The following CRACD variants were observed in gnomAD, a reference collection of about 807,000 sequenced individuals.
CRACD encodes the protein capping protein-inhibiting regulator of actin dynamics.
Under a neutral mutation model 106.8 loss-of-function variants are expected in CRACD, and 56 were observed. The ratio of observed to expected loss-of-function variants is 0.52; its 90% confidence interval spans 0.42 to 0.66. CRACD has a LOEUF of 0.66. Ranked by LOEUF, CRACD falls within the 30% of genes least tolerant of loss-of-function variation. The pLI, the probability that CRACD is intolerant of heterozygous loss-of-function variation, is 0.00. For synonymous variants in CRACD, 754 were observed against 670.8 expected (o/e 1.12, Z -1.92); for missense variants, 1,730 against 1,623.2 (o/e 1.07, Z -1.13).
chr4:56,280,100 A>G (rs566578389), intron 3 of CRACD, among the ~76,000 whole-genome samples: 574 of 141,486 alleles, frequency 4.1e-3, no homozygotes, highest in Non-Finnish European at 6.3e-3. Flanking sequence ...CAGTGAGAAC[A>G]CATGGACACA....
intron 1 of CRACD, among the ~76,000 whole-genome samples, chr4:56,124,538 T>C (rs905662047): frequency 2.0e-5 from 3 of 152,226 alleles, no homozygotes; most frequent in Non-Finnish European, 4.4e-5. Context: ...ATCTAGTCAG[T>C]GTTCAGATTT....
chr4:56,232,531 T>C (rs550207564), intron 2 of CRACD, among the ~76,000 whole-genome samples: 13 of 152,154 alleles, frequency 8.5e-5, no homozygotes, highest in Non-Finnish European at 1.8e-4. Context: ...CTAAGGTAGA[T>C]GTATGCTTAA....
Position 56,316,440 on chromosome 4 carries a change from C to G in CRACD, c.2938C>G (p.Leu980Val). The change falls in exon 8 of 11, where the codon CTG (leucine) becomes GTG (valine). Residue 980 changes from leucine to valine, a missense_variant. Leu to Val is a conservative substitution (Grantham distance 32). Around this residue, in one of 5 missense-constraint regions of CRACD, gnomAD observed 1,620 missense variants for 1,481.6 expected, o/e 1.09. Coordinates refer to ENST00000682029, the MANE Select transcript of CRACD (RefSeq NM_001393381.1). Reference protein sequence around the residue: ...QTPPASPLSKLSRPYLVELLS... With the variant: ...QTPPASPLSKVSRPYLVELLS... ...CCCACCAGCATCCCCACTTTCCAAA[C>G]TGAGCAGGCCCTACTTGGTAGAGCT... The G allele has an allele frequency of 6.2e-7, 1 of 1,614,152 alleles. No individual in the cohort carries two copies. Among genetic ancestry groups the G allele is most frequent in the Non-Finnish European group, 8.5e-7 (1 of 1,179,970 alleles).
chr4:56,136,221 A>T (rs960617431), intron 1 of CRACD, among the ~76,000 whole-genome samples: 12 of 152,228 alleles, frequency 7.9e-5, no homozygotes, highest in African/African-American at 2.9e-4. Flanking sequence ...TGCCATAAAC[A>T]TTCATGTACA....
intron 5 of CRACD, chr4:56,309,038 GTA>G: frequency 4.0e-6 from 2 of 506,304 alleles, no homozygotes; most frequent in Non-Finnish European, 7.3e-6. Flanking sequence ...AAGTCAACCA[GTA>G]TATAAATAGA....
intron 1 of CRACD, among the ~76,000 whole-genome samples, chr4:56,127,693 A>C (rs1393929502): frequency 6.6e-6 from 1 of 152,200 alleles, no homozygotes; most frequent in Non-Finnish European, 1.5e-5. Context: ...CTCATGAGAT[A>C]GATGTCTGGG....
intron 10 of CRACD, among the ~76,000 whole-genome samples, chr4:56,325,502 C>T (rs925269654): frequency 1.1e-4 from 16 of 152,146 alleles, no homozygotes; most frequent in African/African-American, 3.6e-4. Context: ...TTTCACGCAG[C>T]GGGTTTCTGA....
intron 4 of CRACD, among the ~76,000 whole-genome samples, chr4:56,300,805 T>C (rs1744324504): frequency 6.6e-6 from 1 of 152,234 alleles, no homozygotes; most frequent in Non-Finnish European, 1.5e-5. Context: ...AAAAGTATAC[T>C]ATATAATTCT....
At chr4:56,263,350 T>C (rs1168548127) in intron 2 of CRACD, among the ~76,000 whole-genome samples, 2 of 152,122 alleles carry the variant, frequency 1.3e-5, no homozygotes, top group African/African-American at 4.8e-5. Context: ...TATAACATGG[T>C]GTATTAGTTT....
chr4:56,050,797 A>T (rs1319586863), intron 1 of CRACD, among the ~76,000 whole-genome samples: 1 of 152,142 alleles, frequency 6.6e-6, no homozygotes, highest in Non-Finnish European at 1.5e-5. Flanking sequence ...TCCACTGTTG[A>T]TTATTTAAAA....
At chr4:56,083,437 T>G (rs964945250) in intron 1 of CRACD, among the ~76,000 whole-genome samples, 6 of 152,164 alleles carry the variant, frequency 3.9e-5, no homozygotes, top group African/African-American at 1.4e-4. Context: ...ATTAACTGGT[T>G]AGACTGAACT....
chr4:56,081,187 A>G (rs1372809208), intron 1 of CRACD, among the ~76,000 whole-genome samples: 1 of 152,160 alleles, frequency 6.6e-6, no homozygotes, highest in Non-Finnish European at 1.5e-5. Context: ...TCTCATATCA[A>G]CAACAATTTG....
intron 2 of CRACD, among the ~76,000 whole-genome samples, chr4:56,208,916 C>T (rs1389346586): frequency 2.6e-5 from 4 of 152,128 alleles, no homozygotes; most frequent in East Asian, 1.9e-4. Context: ...ATAGAGGAGA[C>T]GCAGTTTTCC....
At chr4:56,179,180 T>C (rs887563598) in intron 1 of CRACD, 104 bp from the exon 2 acceptor site, 1 of 152,172 alleles carries the variant, frequency 6.6e-6, no homozygotes, top group Non-Finnish European at 1.5e-5. Context: ...AAACCTCTTT[T>C]GTGCTGACTT....
At chr4:56,290,258 C>T (rs1348407580) in intron 3 of CRACD, among the ~76,000 whole-genome samples, 2 of 152,130 alleles carry the variant, frequency 1.3e-5, no homozygotes, top group East Asian at 1.9e-4. Flanking sequence ...AAAGCACAGG[C>T]GATGTTATCT....
chr4:56,125,436 G>T (rs890595510), intron 1 of CRACD, among the ~76,000 whole-genome samples: 1 of 151,712 alleles, frequency 6.6e-6, no homozygotes, highest in Non-Finnish European at 1.5e-5. Flanking sequence ...TAGAGACAGG[G>T]TCTTGCCCTG....
intron 1 of CRACD, among the ~76,000 whole-genome samples, chr4:56,093,741 T>G (rs1733503470): frequency 6.6e-6 from 1 of 152,220 alleles, no homozygotes. Flanking sequence ...CCTGAAGACC[T>G]TGCTTATGCT....
intron 1 of CRACD, among the ~76,000 whole-genome samples, chr4:56,050,357 G>C (rs1279674267): frequency 6.6e-6 from 1 of 150,438 alleles, no homozygotes; most frequent in Non-Finnish European, 1.5e-5. Context: ...GGAGTGGTTA[G>C]AATACAAAGG....
intron 1 of CRACD, among the ~76,000 whole-genome samples, chr4:56,055,171 G>T (rs141139802): frequency 1.3e-3 from 199 of 152,198 alleles, no homozygotes; most frequent in African/African-American, 4.5e-3. Flanking sequence ...ACCAGGGAAG[G>T]TAAGAACGAT....
Sources: allele counts gnomAD v4.1 joint callset (sites outside exome capture counted in the v4.1 genomes callset), GRCh38; gene constraint gnomAD v4.1.1; regional missense constraint gnomAD v4.1.1; transcripts MANE v1.5; gene names NCBI Gene and HGNC (gene_info 2026-07-23, HGNC 2026-07-21).